Variants in RUBCN observed in about 807,000 individuals in gnomAD.
RUBCN encodes rubicon autophagy regulator.
RUBCN carries 74 observed loss-of-function variants against 113.2 expected under a neutral mutation model. The ratio of observed to expected loss-of-function variants is 0.65; its 90% CI spans 0.54 to 0.79. The LOEUF is 0.79. Among genes scored for constraint, RUBCN ranks in the 30% least tolerant of loss-of-function variants. RUBCN has a pLI of 0.00. For synonymous variants in RUBCN, 480 were observed against 490.0 expected (o/e 0.98, Z 0.27); for missense variants, 1,109 against 1,251.7 (o/e 0.89, Z 1.72).
intron 14 of RUBCN, 118 bp downstream of exon 14, chr3:197,682,352 T>C: frequency 8.2e-7 from 1 of 1,222,296 alleles, no homozygotes; most frequent in Non-Finnish European, 1.2e-6. Context: ...TGCCTTTAAA[T>C]GAAGAGAACG....
intron 16 of RUBCN, among the ~76,000 whole-genome samples, chr3:197,680,704 G>A (rs1241047471): frequency 6.6e-6 from 1 of 152,160 alleles, no homozygotes. Context: ...CTGGGCAGAG[G>A]AGTGCTCCGA....
chr3:197,736,538 C>T, intron 1 of RUBCN, 117 bp downstream of exon 1: 2 of 937,900 alleles, frequency 2.1e-6, no homozygotes, highest in South Asian at 1.4e-5. Flanking sequence ...CCTCCGCAGC[C>T]GTCGTCCTCA....
At chr3:197,708,989 G>T (rs760982533) in intron 2 of RUBCN, among the ~76,000 whole-genome samples, 17 of 152,088 alleles carry the variant, frequency 1.1e-4, no homozygotes, top group Non-Finnish European at 2.2e-4. Flanking sequence ...CAGTATAAAA[G>T]AAATTGAAAC....
intron 1 of RUBCN, among the ~76,000 whole-genome samples, chr3:197,732,279 G>A (rs1337150155): frequency 1.3e-5 from 2 of 152,202 alleles, no homozygotes; most frequent in African/African-American, 2.4e-5. Context: ...ACAGAGCAAT[G>A]CCAGAAAGAC....
intron 2 of RUBCN, among the ~76,000 whole-genome samples, chr3:197,712,563 G>A (rs1019401366): frequency 2.0e-5 from 3 of 152,132 alleles, no homozygotes; most frequent in African/African-American, 7.2e-5. Flanking sequence ...TTAATTCTCA[G>A]ATCTTTACCA....
At chr3:197,728,573 C>T (rs1162663310) in intron 1 of RUBCN, among the ~76,000 whole-genome samples, 1 of 152,172 alleles carries the variant, frequency 6.6e-6, no homozygotes, top group Non-Finnish European at 1.5e-5. Context: ...TAGCATCTGC[C>T]CATCTGTAAG....
At chr3:197,697,702 G>A (rs918789863) in intron 7 of RUBCN, among the ~76,000 whole-genome samples, 1 of 152,182 alleles carries the variant, frequency 6.6e-6, no homozygotes, top group African/African-American at 2.4e-5. Context: ...GTAGCAGGCA[G>A]GGTTTGCAGG....
In RUBCN at chr3:197,683,166, T is replaced by C. The variant is rs577370517; in HGVS notation, c.1980+141A>G. 1 of 1,079,726 alleles carries C rather than the reference T, an allele frequency of 9.3e-7. No individual in the cohort carries two copies. The highest frequency in any genetic ancestry group is 1.4e-6 in the Non-Finnish European group (1 of 697,108). The allele number at this position is 1,079,726 out of a possible 1,614,324, so 66.9% of individuals were successfully genotyped here. ...AAGCATTCACTCGTTCATTTATCACTTGACACATTGTAATGAATGGCTTCC... is the reference window on the plus strand; with the variant it reads ...AAGCATTCACTCGTTCATTTATCACCTGACACATTGTAATGAATGGCTTCC... On this transcript the variant is annotated intron_variant, in intron 13 of 19. Transcript: ENST00000296343. This position sits in a 1 kb window ranked among gnomAD's most constrained non-coding sequence, Gnocchi z 4.6.
Position 197,671,810 on chromosome 3 carries a change from G to A in RUBCN, c.*3208C>T, listed in dbSNP as rs937023650. ...CACCATGCACCAGAAACCCAGAGAA[G>A]TGAAGTGGTTCGCTCGAGGTCTCAT... is the stretch of plus-strand genomic sequence containing the variant. On this transcript the variant is annotated 3_prime_UTR_variant, in exon 20 of 20. Transcript: ENST00000296343. The A allele has an allele frequency of 2.6e-5, 4 of 152,242 alleles. No individual in the cohort carries two copies. The highest frequency in any genetic ancestry group is 5.9e-5 in the Non-Finnish European group (4 of 68,050). 9.4% of individuals were successfully genotyped at this position (152,242 alleles called of 1,614,324 possible). A position where few individuals can be genotyped will look rare whatever the true frequency, so the allele number is the denominator to read the frequency against.
intron 16 of RUBCN, 83 bp from the exon 17 acceptor site, chr3:197,677,624 C>A: frequency 7.8e-7 from 1 of 1,284,538 alleles, no homozygotes; most frequent in Non-Finnish European, 1.1e-6. Flanking sequence ...GCCTTTAAAC[C>A]CTGGGGTTCT....
chr3:197,691,083 T>C (rs568917712), intron 11 of RUBCN: 122 of 1,289,066 alleles, frequency 9.5e-5, no homozygotes, highest in Non-Finnish European at 1.2e-4. Flanking sequence ...CCTGAGAACA[T>C]CGAGGCCAGT....
At chr3:197,729,519 C>T (rs1347459358) in intron 1 of RUBCN, among the ~76,000 whole-genome samples, 5 of 151,852 alleles carry the variant, frequency 3.3e-5, no homozygotes, top group African/African-American at 1.2e-4. Flanking sequence ...TCCCAAAGTG[C>T]TGGGATTACA....
intron 2 of RUBCN, among the ~76,000 whole-genome samples, chr3:197,713,952 T>C (rs1725237695): frequency 6.6e-6 from 1 of 151,784 alleles, no homozygotes; most frequent in Admixed American, 6.6e-5. Context: ...TGGCGGGCGC[T>C]GTAGTCCCAG....
chr3:197,706,536 T>G (rs909008588), intron 2 of RUBCN, among the ~76,000 whole-genome samples: 6 of 151,642 alleles, frequency 4.0e-5, no homozygotes, highest in Admixed American at 1.3e-4. Context: ...TCCAAAAAGT[T>G]AGCCAGGTGT....
At position 197,670,899 on chromosome 3, in the gene RUBCN, G is replaced by C. The variant is rs1368717129; in HGVS notation, c.*4119C>G. ...GCAGTTGCAGACAAAGTAGCTGAGG[G>C]AGAAGACAGGAGATGAGGACACGCT... On this transcript the variant is annotated 3_prime_UTR_variant, in exon 20 of 20. Coordinates refer to ENST00000296343, the MANE Select transcript of RUBCN (RefSeq NM_014687.4). Among the ~76,000 whole-genome samples, 1 of 152,240 alleles carries C rather than the reference G, an allele frequency of 6.6e-6. No individual in the cohort carries two copies. The highest frequency in any genetic ancestry group is 2.4e-5 in the African/African-American group (1 of 41,478).
chr3:197,687,508 G>A (rs1467264460), intron 11 of RUBCN, among the ~76,000 whole-genome samples: 1 of 152,222 alleles, frequency 6.6e-6, no homozygotes, highest in Non-Finnish European at 1.5e-5. Context: ...ATGATGTGAG[G>A]TTTTGTGGTA....
intron 8 of RUBCN, 40 bp downstream of exon 8, chr3:197,696,914 G>A (rs2108891368): frequency 8.9e-7 from 1 of 1,120,136 alleles, no homozygotes. Context: ...GGTGAGCAGA[G>A]AAAATATACA....
chr3:197,716,073 G>C (rs1229046482), intron 2 of RUBCN, among the ~76,000 whole-genome samples: 1 of 152,178 alleles, frequency 6.6e-6, no homozygotes, highest in Non-Finnish European at 1.5e-5. Flanking sequence ...TAGACAAAAG[G>C]ATTTCCCACA....
rs375179379 is a variant in RUBCN, at chr3:197,681,084, G to C, written c.2430+45C>G. The C allele has an allele frequency of 2.4e-6, 3 of 1,255,230 alleles. No homozygotes were observed. The highest frequency in any genetic ancestry group is 3.5e-6 in the Non-Finnish European group (3 of 856,820). The allele number at this position is 1,255,230 out of a possible 1,614,324, so 77.8% of individuals were successfully genotyped here. ...GAGGGACGAGGGGAGGGGATGAGGG[G>C]AGGAGAAGGGCAAGACTCTAAGGTG... On this transcript the variant is annotated intron_variant, in intron 16 of 19. Coordinates refer to ENST00000296343, the MANE Select transcript of RUBCN (RefSeq NM_014687.4). The surrounding 1 kb of genome is among the most constrained non-coding windows in gnomAD (Gnocchi z 5.5).
Sources: allele counts gnomAD v4.1 joint callset (sites outside exome capture counted in the v4.1 genomes callset), GRCh38; gene constraint gnomAD v4.1.1; non-coding constraint Gnocchi (gnomAD v3.1); transcripts MANE v1.5; gene names NCBI Gene and HGNC (gene_info 2026-07-23, HGNC 2026-07-21).